CMYA5: variants seen among roughly 807,000 people sequenced by gnomAD.
CMYA5 encodes the protein cardiomyopathy-associated protein 5.
A neutral mutation model predicts 318.9 loss-of-function variants in CMYA5; 246 were observed. That is an observed-to-expected ratio of 0.77 (90% CI 0.70 to 0.86). The LOEUF is 0.86. CMYA5 is among the 40% of genes least tolerant of loss of function. The pLI is 0.00. For synonymous variants in CMYA5, 1,641 were observed against 1,729.5 expected (o/e 0.95, Z 1.27); for missense variants, 4,589 against 4,678.2 (o/e 0.98, Z 0.56).
chr5:79,729,656 A>G lies in CMYA5; in HGVS notation c.891A>G (p.Lys297=), dbSNP rs779983783. 8.7e-6 allele frequency: 14 copies of G among 1,613,686 alleles called. No homozygotes were observed. The highest frequency in any genetic ancestry group is 1.1e-5 in the Non-Finnish European group (13 of 1,179,840). ...CCCAAAGCATAGAGGATAAAGTAAAAGAGGTTTTTCCACCCTGGAGAGGCG... is the reference window on the plus strand; with the variant it reads ...CCCAAAGCATAGAGGATAAAGTAAAGGAGGTTTTTCCACCCTGGAGAGGCG... ...LVAQSIEDKV[K]EVFPPWRGAL... The change falls in exon 2 of 13, where the codon AAA becomes AAG. Residue 297 remains lysine (K), a synonymous_variant. Coordinates refer to ENST00000446378, the MANE Select transcript of CMYA5 (RefSeq NM_153610.5).
chr5:79,785,018 C>CTT (rs75314718), intron 9 of CMYA5, among the ~76,000 whole-genome samples: 4 of 141,752 alleles, frequency 2.8e-5, no homozygotes, highest in East Asian at 2.0e-4. Context: ...GGAAATCCTA[C>CTT]TTTTTTTTTT....
At chr5:79,711,596 C>G (rs753007901) in intron 1 of CMYA5, among the ~76,000 whole-genome samples, 57 of 152,154 alleles carry the variant, frequency 3.7e-4, no homozygotes, top group Admixed American at 1.1e-3. Flanking sequence ...ATAAAGATTC[C>G]CATATACCCT....
chr5:79,786,268 C>G (rs570539947), intron 9 of CMYA5, among the ~76,000 whole-genome samples: 4 of 152,336 alleles, frequency 2.6e-5, no homozygotes, highest in African/African-American at 9.6e-5. Flanking sequence ...ACTGCCCTCA[C>G]GTCTCTGGGA....
At chr5:79,788,212 C>CTTT (rs35939521) in intron 9 of CMYA5, among the ~76,000 whole-genome samples, 2 of 141,984 alleles carry the variant, frequency 1.4e-5, no homozygotes, top group African/African-American at 2.6e-5. Context: ...GCCCTGCTTG[C>CTTT]TTTTTTTTTT....
At chr5:79,788,050 A>G (rs933550232) in intron 9 of CMYA5, among the ~76,000 whole-genome samples, 3 of 152,186 alleles carry the variant, frequency 2.0e-5, no homozygotes, top group African/African-American at 7.2e-5. Flanking sequence ...CCTTCTGAGA[A>G]TGAACATGAA....
Position 79,735,246 on chromosome 5 carries a change from G to T in CMYA5, c.6481G>T (p.Val2161Leu), listed in dbSNP as rs976972881. The T allele has an allele frequency of 2.5e-6, 4 of 1,613,816 alleles. No individual in the cohort carries two copies. Among genetic ancestry groups the T allele is most frequent in the Admixed American group, 1.7e-5 (1 of 59,998 alleles). Reference protein sequence around the residue: ...VTQNPPTQPKVAKPDLPEEKG... With the variant: ...VTQNPPTQPKLAKPDLPEEKG... ...ACAAAATCCACCTACACAACCAAAG[G>T]TGGCTAAGCCGGACCTTCCTGAGGA... is the stretch of plus-strand genomic sequence containing the variant. The change falls in exon 2 of 13, where the codon GTG (valine) becomes TTG (leucine). Residue 2161 changes from valine to leucine, a missense_variant. By Grantham distance (32) the Val-to-Leu change is conservative. Coordinates refer to ENST00000446378, the MANE Select transcript of CMYA5 (RefSeq NM_153610.5).
Position 79,735,196 on chromosome 5 carries a change from A to C in CMYA5, c.6431A>C (p.Gln2144Pro). 6.2e-7 allele frequency: 1 copy of C among 1,613,752 alleles called. No individual in the cohort carries two copies. Among genetic ancestry groups the C allele is most frequent in the Non-Finnish European group, 8.5e-7 (1 of 1,179,772 alleles). The change falls in exon 2 of 13, where the codon CAA (glutamine) becomes CCA (proline). Residue 2144 changes from glutamine to proline, a missense_variant. By Grantham distance (76) the Gln-to-Pro change is moderately conservative. Around this residue, in one of 3 missense-constraint regions of CMYA5, gnomAD observed 2,431 missense variants for 2,495.1 expected, o/e 0.97. Transcript: ENST00000446378. ...TCCTCAATCCATGCAAGAGAGCCTC[A>C]ATCCCCAGAGTCACCTGAGGTGACA... ...PISSIHAREP[Q>P]SPESPEVTQN...
In CMYA5 at chr5:79,735,535, G is replaced by A; in HGVS notation, c.6770G>A (p.Gly2257Asp). ...DEPRGTLVKSGDGQNVKEKSM... is the reference protein window; with the variant it reads ...DEPRGTLVKSDDGQNVKEKSM... ...CCCAGAGGTACTTTAGTAAAATCTG[G>A]TGACGGTCAAAACGTTAAAGAAAAA... The change falls in exon 2 of 13, where the codon GGT becomes GAT. Residue 2257 changes from glycine to aspartate, a missense_variant. By Grantham distance (94) the Gly-to-Asp change is moderately conservative. Around this residue, in one of 3 missense-constraint regions of CMYA5, gnomAD observed 2,431 missense variants for 2,495.1 expected, o/e 0.97. Transcript: ENST00000446378. 1 of 1,612,956 alleles carries A rather than the reference G, an allele frequency of 6.2e-7. No individual in the cohort carries two copies. The highest frequency in any genetic ancestry group is 8.5e-7 in the Non-Finnish European group (1 of 1,179,622).
At chr5:79,700,905 G>C (rs1329526360) in intron 1 of CMYA5, among the ~76,000 whole-genome samples, 1 of 151,894 alleles carries the variant, frequency 6.6e-6, no homozygotes, top group Non-Finnish European at 1.5e-5. Context: ...GGCCAGGAAG[G>C]GTAGCAGGGA....
chr5:79,693,341 T>A (rs1827006300), intron 1 of CMYA5, among the ~76,000 whole-genome samples: 1 of 151,546 alleles, frequency 6.6e-6, no homozygotes, highest in African/African-American at 2.4e-5. Context: ...ACACAATTTT[T>A]TTTTTTTTTT....
rs372352332 is a variant in CMYA5, at chr5:79,739,309, C to A, written c.10544C>A (p.Thr3515Asn). 7 of 1,597,766 alleles carry A rather than the reference C, an allele frequency of 4.4e-6. No individual in the cohort carries two copies. Among genetic ancestry groups the A allele is most frequent in the South Asian group, 2.3e-5 (2 of 87,948 alleles). ...KKSQIDTYCY[T>N]CKCPISATDK... ...TCCCAGATTGACACATACTGTTACA[C>A]CTGCAAATGTCCAATTTCTGCCACT... The change falls in exon 2 of 13, where the codon ACC becomes AAC. Residue 3515 changes from threonine to asparagine, a missense_variant. Coordinates refer to ENST00000446378, the MANE Select transcript of CMYA5 (RefSeq NM_153610.5).
In CMYA5 at chr5:79,762,046, A is replaced by G. The variant is rs187714187; in HGVS notation, c.11407+89A>G. On this transcript the variant is annotated intron_variant, in intron 8 of 12. Transcript: ENST00000446378. ...ATCAGCCAGTAAGTGTTTATTAAGCACCTATTGTGTGTTGAGTGTTGTGCA... is the reference window on the plus strand; with the variant it reads ...ATCAGCCAGTAAGTGTTTATTAAGCGCCTATTGTGTGTTGAGTGTTGTGCA... 2.6e-4 allele frequency: 370 copies of G among 1,398,596 alleles called. 1 individual carries two copies. The highest frequency in any genetic ancestry group is 9.8e-5 in the Non-Finnish European group (102 of 1,043,894). 86.6% of individuals were successfully genotyped at this position (1,398,596 alleles called of 1,614,324 possible).
chr5:79,764,740 C>G (rs946097793), intron 9 of CMYA5, among the ~76,000 whole-genome samples: 1 of 152,168 alleles, frequency 6.6e-6, no homozygotes, highest in African/African-American at 2.4e-5. Flanking sequence ...TCTCTAATGA[C>G]CAGTGATGAT....
At chr5:79,761,630 C>G (rs1480576592) in intron 7 of CMYA5, among the ~76,000 whole-genome samples, 181 bp from the exon 8 acceptor site, 1 of 152,178 alleles carries the variant, frequency 6.6e-6, no homozygotes, top group Non-Finnish European at 1.5e-5. Flanking sequence ...CTAAGTATCT[C>G]TTTTCAGAAT....
chr5:79,722,662 G>A (rs1827663047), intron 1 of CMYA5, among the ~76,000 whole-genome samples: 1 of 126,812 alleles, frequency 7.9e-6, no homozygotes, highest in Non-Finnish European at 1.6e-5. Flanking sequence ...GGGTGACAGA[G>A]TGAGACTCTG....
Position 79,733,003 on chromosome 5 carries a change from T to C in CMYA5, c.4238T>C (p.Leu1413Pro), listed in dbSNP as rs766517771. ...ACATCTGCAGATGAACATTCAGTTC[T>C]TGCAGAAGAAGACAAGGTGGCAATT... ...LVTSADEHSV[L>P]AEEDKVAIKG... The change falls in exon 2 of 13, where the codon CTT becomes CCT. Residue 1413 changes from leucine to proline, a missense_variant. This residue lies in a region of CMYA5 where 2,132 missense variants were observed against 2,131.3 expected (regional missense o/e 1.00). Coordinates refer to ENST00000446378, the MANE Select transcript of CMYA5 (RefSeq NM_153610.5). 25 of 1,613,252 alleles carry C rather than the reference T, an allele frequency of 1.5e-5. No individual in the cohort carries two copies.
Position 79,729,050 on chromosome 5 carries a change from T to C in CMYA5, c.285T>C (p.Pro95=). Reference sequence around the variant, plus strand: ...CCAATTCAAGTAGATCTTCTACTCCTTGGGCTTCAGAAGAAAGTCAGACTT... The same window carrying C: ...CCAATTCAAGTAGATCTTCTACTCCCTGGGCTTCAGAAGAAAGTCAGACTT... ...WETNSSRSST[P]WASEESQTSG... The change falls in exon 2 of 13, where the codon CCT becomes CCC. Residue 95 remains proline (P), a synonymous_variant. Coordinates refer to ENST00000446378, the MANE Select transcript of CMYA5 (RefSeq NM_153610.5). 6.2e-7 allele frequency: 1 copy of C among 1,613,988 alleles called. No homozygotes were observed. The highest frequency in any genetic ancestry group is 1.1e-5 in the South Asian group (1 of 91,078).
At chr5:79,741,970 T>G (rs1828215876) in intron 2 of CMYA5, among the ~76,000 whole-genome samples, 1 of 152,094 alleles carries the variant, frequency 6.6e-6, no homozygotes, top group Non-Finnish European at 1.5e-5. Flanking sequence ...CCATGAAGAT[T>G]AGTAAGAGTT....
At chr5:79,704,552 G>T (rs1440638921) in intron 1 of CMYA5, among the ~76,000 whole-genome samples, 1 of 152,150 alleles carries the variant, frequency 6.6e-6, no homozygotes, top group Non-Finnish European at 1.5e-5. Flanking sequence ...GATATTAGAA[G>T]AGGGAAAAGC....
Sources: gnomAD v4.1 joint callset for allele counts (sites outside exome capture counted in the v4.1 genomes callset) on GRCh38, gnomAD v4.1.1 for gene constraint, gnomAD v4.1.1 regional missense constraint, MANE v1.5 for transcripts, NCBI Gene and HGNC (gene_info 2026-07-23, HGNC 2026-07-21) for gene names.